The following PIK3C3 variants were observed in gnomAD, a reference collection of about 807,000 sequenced individuals.
PIK3C3 encodes PI3-kinase type 3.
Under a neutral mutation model 126.1 loss-of-function variants are expected in PIK3C3, and 95 were observed. The observed-to-expected ratio is 0.75, with a 90% CI of 0.64 to 0.89. PIK3C3 has a LOEUF of 0.89. PIK3C3 is among the 40% of genes least tolerant of loss of function. The pLI, the probability that PIK3C3 is intolerant of heterozygous loss-of-function variation, is 0.00. For synonymous variants in PIK3C3, 374 were observed against 360.0 expected (o/e 1.04, Z -0.44); for missense variants, 829 against 1,063.2 (o/e 0.78, Z 3.06).
chr18:42,034,822 T>C (rs1983977046), intron 16 of PIK3C3, among the ~76,000 whole-genome samples: 1 of 152,204 alleles, frequency 6.6e-6, no homozygotes, highest in African/African-American at 2.4e-5. Flanking sequence ...AAAGGGCTCA[T>C]AGAACAACAA....
intron 6 of PIK3C3, among the ~76,000 whole-genome samples, chr18:41,991,317 G>A (rs1981766094): frequency 6.6e-6 from 1 of 152,042 alleles, no homozygotes; most frequent in Admixed American, 6.6e-5. Flanking sequence ...GAGCCCAGGA[G>A]TTTGAGACCC....
chr18:42,078,096 G>A (rs969978548), intron 24 of PIK3C3, among the ~76,000 whole-genome samples: 6 of 151,968 alleles, frequency 3.9e-5, no homozygotes, highest in South Asian at 2.1e-4. Context: ...TCAGTAAACC[G>A]GCCGGGCGCG....
At chr18:42,079,939 A>G (rs1455947812) in intron 24 of PIK3C3, among the ~76,000 whole-genome samples, 4 of 134,260 alleles carry the variant, frequency 3.0e-5, no homozygotes, top group South Asian at 2.6e-4. Context: ...TATTTCCCCA[A>G]CTTTTGAGTG....
intron 6 of PIK3C3, among the ~76,000 whole-genome samples, chr18:41,992,303 A>G (rs1981817596): frequency 6.6e-6 from 1 of 152,196 alleles, no homozygotes; most frequent in South Asian, 2.1e-4. Flanking sequence ...AGCTAGGCTG[A>G]TAAATGTGTT....
intron 1 of PIK3C3, among the ~76,000 whole-genome samples, chr18:41,955,980 A>G (rs1263517434): frequency 1.3e-5 from 2 of 152,148 alleles, no homozygotes; most frequent in Non-Finnish European, 2.9e-5. Context: ...ACCACGGCTG[A>G]AGTAAAGGTC....
At chr18:42,037,586 A>T in intron 16 of PIK3C3, 106 bp from the exon 17 acceptor site, 1 of 1,013,686 alleles carries the variant, frequency 9.9e-7, no homozygotes, top group Non-Finnish European at 1.4e-6. Context: ...TTTAGGTCCT[A>T]TTTACCTGTG....
At chr18:42,033,406 G>T (rs1385672860) in intron 15 of PIK3C3, among the ~76,000 whole-genome samples, 1 of 152,130 alleles carries the variant, frequency 6.6e-6, no homozygotes, top group Non-Finnish European at 1.5e-5. Flanking sequence ...AAAATGCACT[G>T]GGGCAGCATA....
intron 24 of PIK3C3, among the ~76,000 whole-genome samples, chr18:42,078,245 C>T (rs1250248455): frequency 9.3e-5 from 14 of 151,288 alleles, no homozygotes; most frequent in African/African-American, 2.2e-4. Flanking sequence ...GGTGCGGTGG[C>T]GGGCGCCTGT....
chr18:42,029,212 T>A, intron 14 of PIK3C3, 113 bp from the exon 15 acceptor site: 1 of 679,732 alleles, frequency 1.5e-6, no homozygotes, highest in East Asian at 2.6e-5. Context: ...AGTTTTGCTT[T>A]CTATTTAAGT....
At chr18:41,959,780 C>T (rs572066499) in intron 2 of PIK3C3, among the ~76,000 whole-genome samples, 1 of 151,958 alleles carries the variant, frequency 6.6e-6, no homozygotes, top group South Asian at 2.1e-4. Flanking sequence ...GGCAACAGAA[C>T]GAGACTCCAT....
At chr18:42,004,316 A>G (rs1168024726) in intron 9 of PIK3C3, 40 bp from the exon 10 acceptor site, 3 of 1,507,926 alleles carry the variant, frequency 2.0e-6, no homozygotes, top group Non-Finnish European at 9.1e-7. Context: ...TATCCCAGGA[A>G]ATAGGCTGTT....
At chr18:41,970,866 G>C in intron 4 of PIK3C3, 1 of 215,566 alleles carries the variant, frequency 4.6e-6, no homozygotes, top group Non-Finnish European at 9.2e-6. Flanking sequence ...CTGGAAATCT[G>C]TCAGGTTTGA....
chr18:42,037,737 G>A lies in PIK3C3; in HGVS notation c.1885G>A (p.Gly629Ser). 2.5e-6 allele frequency: 4 copies of A among 1,611,058 alleles called. No individual in the cohort carries two copies. The highest frequency in any genetic ancestry group is 3.4e-6 in the Non-Finnish European group (4 of 1,177,612). The change falls in exon 17 of 25, where the codon GGC (glycine) becomes AGC (serine). Residue 629 changes from glycine to serine, a missense_variant. Physicochemically the swap from Gly to Ser is moderately conservative, Grantham distance 56. Transcript: ENST00000262039. ...AQLFFKTEDG[G>S]KYPVIFKHGD... The stretch of plus-strand genomic sequence containing the variant: ...GTTGTTTTTTAAGACGGAAGATGGA[G>A]GCAAATATCCAGTTATATTTAAGCA...
At chr18:42,038,735 A>G in intron 17 of PIK3C3, 46 bp from the exon 18 acceptor site, 1 of 1,194,884 alleles carries the variant, frequency 8.4e-7, no homozygotes, top group Non-Finnish European at 1.2e-6. Context: ...ACTGTCTTTT[A>G]ACAGTCTTTA....
chr18:42,038,348 T>A (rs1984151042), intron 17 of PIK3C3, among the ~76,000 whole-genome samples: 1 of 152,002 alleles, frequency 6.6e-6, no homozygotes, highest in Non-Finnish European at 1.5e-5. Context: ...TTAAATTAAC[T>A]ATTTTTTTTT....
intron 15 of PIK3C3, among the ~76,000 whole-genome samples, chr18:42,030,144 A>T (rs1983758191): frequency 6.6e-6 from 1 of 152,200 alleles, no homozygotes; most frequent in Non-Finnish European, 1.5e-5. Context: ...TTTGATATGG[A>T]AAGAATCTCT....
chr18:41,959,456 T>C (rs1418357929), intron 2 of PIK3C3, among the ~76,000 whole-genome samples: 2 of 151,228 alleles, frequency 1.3e-5, no homozygotes, highest in Non-Finnish European at 2.9e-5. Flanking sequence ...GCTAAAATTA[T>C]TTAAAACGAC....
intron 9 of PIK3C3, 38 bp from the exon 10 acceptor site, chr18:42,004,318 T>A: frequency 6.6e-7 from 1 of 1,514,758 alleles, no homozygotes; most frequent in East Asian, 2.3e-5. Context: ...TCCCAGGAAA[T>A]AGGCTGTTTC....
intron 1 of PIK3C3, 88 bp downstream of exon 1, chr18:41,955,447 A>G (rs1298886052): frequency 1.8e-6 from 2 of 1,141,300 alleles, no homozygotes; most frequent in South Asian, 1.3e-5. Flanking sequence ...GGCAGAAAGT[A>G]CGTGACTCGT....
Sources: gnomAD v4.1 joint callset for allele counts (sites outside exome capture counted in the v4.1 genomes callset) on GRCh38, gnomAD v4.1.1 for gene constraint, MANE v1.5 for transcripts, NCBI Gene and HGNC (gene_info 2026-07-23, HGNC 2026-07-21) for gene names.